The following PDK1 variants were observed in gnomAD, a reference collection of about 807,000 sequenced individuals.
PDK1 encodes the protein pyruvate dehydrogenase kinase 1, also known as [Pyruvate dehydrogenase (acetyl-transferring)] kinase isozyme 1, mitochondrial.
A neutral mutation model predicts 54.2 loss-of-function variants in PDK1; 39 were observed. That is an observed-to-expected ratio of 0.72 (90% CI 0.56 to 0.94). PDK1 has a LOEUF of 0.94. PDK1 is among the 40% of genes least tolerant of loss of function. PDK1 has a pLI of 0.00. For missense variants in PDK1, 552 were observed against 566.0 expected, an observed-to-expected ratio of 0.98 and a Z score of 0.25; for synonymous variants, 221 against 207.1, an observed-to-expected ratio of 1.07 and a Z score of -0.58.
At chr2:172,716,043 A>G in the PDK1 span, among the ~76,000 whole-genome samples, 1 of 152,210 alleles carries the variant, frequency 6.6e-6, no homozygotes, top group Non-Finnish European at 1.5e-5. Flanking sequence ...CCTTTGAAAA[A>G]TTGCCACAGA....
At chr2:172,685,094 T>G in the PDK1 span, among the ~76,000 whole-genome samples, 27,841 of 152,184 alleles carry the variant, frequency 0.18, 2,994 homozygotes, top group African/African-American at 0.3. Flanking sequence ...TCTGCCGTGA[T>G]TGTAAGTTTC....
chr2:172,556,185 T>G lies in PDK1; in HGVS notation c.35T>G (p.Leu12Trp). 4 of 1,421,058 alleles carry G rather than the reference T, an allele frequency of 2.8e-6. No individual in the cohort carries two copies. The highest frequency in any genetic ancestry group is 3.7e-6 in the Non-Finnish European group (4 of 1,094,200). 88.0% of individuals were successfully genotyped at this position (1,421,058 alleles called of 1,614,324 possible). Residue 12 changes from leucine (L) to tryptophan (W), a missense_variant, in exon 1 of 11, where the codon TTG becomes TGG. Coordinates refer to ENST00000282077, the MANE Select transcript of PDK1 (RefSeq NM_002610.5). ...GCGCGGCTGCTTCGCGGAGCCGCCT[T>G]GGCCGGCCCGGGCCCGGGGCTGCGC... is the stretch of plus-strand genomic sequence containing the variant. ...RLARLLRGAA[L>W]AGPGPGLRAA...
In PDK1 at chr2:172,574,366, T is replaced by G. The variant is rs549957214; in HGVS notation, c.945+3542T>G. Among the ~76,000 whole-genome samples the G allele has an allele frequency of 5.8e-4, 88 of 152,292 alleles. 3 individuals are homozygous for G. The South Asian group carries it at 9.1e-3, about 16-fold the overall frequency. Reference sequence around the variant, plus strand: ...AAGTTTTGAAATTTGCAAGTGTGAGTCCTACAACTTCTTTTTCAAGATTAT... The same window carrying G: ...AAGTTTTGAAATTTGCAAGTGTGAGGCCTACAACTTCTTTTTCAAGATTAT... On this transcript the variant is annotated intron_variant, in intron 8 of 10. Coordinates refer to ENST00000282077, the MANE Select transcript of PDK1 (RefSeq NM_002610.5).
the PDK1 span, among the ~76,000 whole-genome samples, chr2:172,647,517 T>C: frequency 1.4e-4 from 22 of 152,280 alleles, no homozygotes; most frequent in Admixed American, 4.6e-4. Context: ...AAATAAACAA[T>C]GATAGCATTT....
the PDK1 span, among the ~76,000 whole-genome samples, chr2:172,661,428 C>T: frequency 0.99 from 150,747 of 152,356 alleles, 74,610 homozygotes; most frequent in Middle Eastern, 1. Context: ...ATTTGGTGCC[C>T]GTCTGGGGGA....
At chr2:172,650,841 G>C in the PDK1 span, among the ~76,000 whole-genome samples, 16 of 152,184 alleles carry the variant, frequency 1.1e-4, no homozygotes, top group African/African-American at 3.9e-4. Context: ...CAAGTCCTTA[G>C]AGACCTACAA....
Position 172,595,781 on chromosome 2 carries a change from A to G in PDK1, c.1171-48A>G, listed in dbSNP as rs780932180. On this transcript the variant is annotated intron_variant, in intron 10 of 10. Coordinates refer to ENST00000282077, the MANE Select transcript of PDK1 (RefSeq NM_002610.5). ...CATTGTCTATTTTCTCAAATAATGA[A>G]TTCTAAAAAATGCCAGACTTAATAG... 15 of 1,547,076 alleles carry G rather than the reference A, an allele frequency of 9.7e-6. No homozygotes were observed. In the African/African-American group the frequency reaches 2.1e-4, roughly 21 times the overall value.
chr2:172,625,981 AGT>A, the PDK1 span, among the ~76,000 whole-genome samples: 1 of 152,212 alleles, frequency 6.6e-6, no homozygotes, highest in Admixed American at 6.5e-5. Context: ...GTCTAAAGGT[AGT>A]TAGTCTGCAG....
intron 9 of PDK1, among the ~76,000 whole-genome samples, chr2:172,589,506 C>T (rs957832556): frequency 1.3e-5 from 2 of 152,196 alleles, no homozygotes; most frequent in South Asian, 2.1e-4. Flanking sequence ...AGTAAATACC[C>T]ACCTTGACTT....
chr2:172,704,458 G>T, the PDK1 span, among the ~76,000 whole-genome samples: 2 of 152,186 alleles, frequency 1.3e-5, no homozygotes, highest in Admixed American at 1.3e-4. Flanking sequence ...GGGGTACATT[G>T]AGAATCACAG....
In PDK1 at chr2:172,602,713, T is replaced by C. The variant is rs1054000061; in HGVS notation, c.*6744T>C. 1.8e-4 allele frequency: 27 copies of C among 152,222 alleles called. No homozygotes were observed. The highest frequency in any genetic ancestry group is 6.5e-4 in the African/African-American group (27 of 41,454). 9.4% of individuals were successfully genotyped at this position (152,222 alleles called of 1,614,324 possible). Reference sequence around the variant, plus strand: ...ATAGAGGAAAGAAACATCTTATGTTTCTGTGTTTGGGTAAACATTAGACTT... The same window carrying C: ...ATAGAGGAAAGAAACATCTTATGTTCCTGTGTTTGGGTAAACATTAGACTT... On this transcript the variant is annotated 3_prime_UTR_variant, in exon 11 of 11. Coordinates refer to ENST00000282077, the MANE Select transcript of PDK1 (RefSeq NM_002610.5).
chr2:172,592,323 CCT>C (rs1558956741), intron 9 of PDK1, among the ~76,000 whole-genome samples: 1 of 152,098 alleles, frequency 6.6e-6, no homozygotes. Flanking sequence ...GACTTCTTTG[CCT>C]CTCTCTTTCT....
chr2:172,643,424 T>C, the PDK1 span, among the ~76,000 whole-genome samples: 2 of 152,212 alleles, frequency 1.3e-5, 1 homozygote, highest in Non-Finnish European at 2.9e-5. Flanking sequence ...CAGTGGGGTG[T>C]GGCCGTGAGC....
At chr2:172,621,723 GTT>G in the PDK1 span, among the ~76,000 whole-genome samples, 2 of 143,454 alleles carry the variant, frequency 1.4e-5, no homozygotes, top group Non-Finnish European at 3.0e-5. Flanking sequence ...CATGTTATAT[GTT>G]TATATCTCAT....
Position 172,565,126 on chromosome 2 carries a change from G to T in PDK1, c.691+53G>T, listed in dbSNP as rs184066061. ...AAAAGATACAAAAATCAAAATTATTGTTATTTCTTACTATTAAAACATCTA... is the reference window on the plus strand; with the variant it reads ...AAAAGATACAAAAATCAAAATTATTTTTATTTCTTACTATTAAAACATCTA... On this transcript the variant is annotated intron_variant, in intron 5 of 10. Coordinates refer to ENST00000282077, the MANE Select transcript of PDK1 (RefSeq NM_002610.5). The T allele has an allele frequency of 4.7e-6, 5 of 1,068,868 alleles. No homozygotes were observed. In the African/African-American group the frequency reaches 6.3e-5, roughly 13 times the overall value. 66.2% of individuals were successfully genotyped at this position (1,068,868 alleles called of 1,614,324 possible).
the PDK1 span, among the ~76,000 whole-genome samples, chr2:172,635,799 G>A: frequency 2.0e-5 from 3 of 152,138 alleles, no homozygotes; most frequent in Non-Finnish European, 4.4e-5. Flanking sequence ...CACCAACCCA[G>A]TATTTCCTCT....
chr2:172,632,445 T>G, the PDK1 span, among the ~76,000 whole-genome samples: 1 of 152,222 alleles, frequency 6.6e-6, no homozygotes, highest in East Asian at 1.9e-4. Context: ...TTAGTGAGTT[T>G]TTTTGGTAAA....
Position 172,608,298 on chromosome 2 carries a change from A to G in PDK1, c.*12329A>G, listed in dbSNP as rs1691360317. ...GAAAAATAAACATATAGAAGGAAAG[A>G]AAGGTCGTTTTAGTTTATAACATTT... On this transcript the variant is annotated 3_prime_UTR_variant, in exon 11 of 11. Coordinates refer to ENST00000282077, the MANE Select transcript of PDK1 (RefSeq NM_002610.5). 6.6e-6 allele frequency: 1 copy of G among 152,274 alleles called. No individual in the cohort carries two copies. The highest frequency in any genetic ancestry group is 6.5e-5 in the Admixed American group (1 of 15,268). The allele number at this position is 152,274 out of a possible 1,614,324, so 9.4% of individuals were successfully genotyped here.
the PDK1 span, among the ~76,000 whole-genome samples, chr2:172,680,375 A>G: frequency 6.6e-6 from 1 of 152,088 alleles, no homozygotes; most frequent in Non-Finnish European, 1.5e-5. Flanking sequence ...AAATAGAGAC[A>G]AGGTCTCACT....
Sources: gnomAD v4.1 joint callset for allele counts (sites outside exome capture counted in the v4.1 genomes callset) on GRCh38, gnomAD v4.1.1 for gene constraint, MANE v1.5 for transcripts, NCBI Gene and HGNC (gene_info 2026-07-23, HGNC 2026-07-21) for gene names.